The following RTN1 variants were observed in gnomAD, a reference collection of about 807,000 sequenced individuals.
RTN1 encodes the protein reticulon 1.
Under a neutral mutation model 65.5 loss-of-function variants are expected in RTN1, and 25 were observed. That is an observed-to-expected ratio of 0.38 (90% CI 0.28 to 0.53). RTN1 has a LOEUF of 0.53. Ranked by LOEUF, RTN1 falls within the 20% of genes least tolerant of loss-of-function variation. The probability of loss-of-function intolerance (pLI) is 0.79; values close to 1 mark genes in which losing one functional copy is unlikely to be tolerated. For missense variants in RTN1, 983 were observed against 1,025.4 expected (o/e 0.96, Z 0.57); for synonymous variants, 471 against 447.6 (o/e 1.05, Z -0.66).
intron 3 of RTN1, among the ~76,000 whole-genome samples, chr14:59,713,528 A>G (rs1483472681): frequency 6.6e-6 from 1 of 152,202 alleles, no homozygotes; most frequent in East Asian, 1.9e-4. Flanking sequence ...CAAGCTTCAG[A>G]ACACTTACTG....
rs371338628 is a variant in RTN1 at position 59,641,015 on chromosome 14, C to T, written c.1766-33523G>A. ...TTGCCCTGTTGCCCACACTGAAGTG[C>T]AGTGGTGCAATCATGGCTCACTGCA... On this transcript the variant is annotated intron_variant, in intron 3 of 8. Coordinates refer to ENST00000267484, the MANE Select transcript of RTN1 (RefSeq NM_021136.3). 2.6e-5 allele frequency among the ~76,000 whole-genome samples: 4 copies of T among 152,202 alleles called. No homozygotes were observed. The East Asian group carries it at 5.8e-4, about 22-fold the overall frequency.
intron 1 of RTN1, among the ~76,000 whole-genome samples, chr14:59,851,444 G>A (rs2139663535): frequency 6.6e-6 from 1 of 152,246 alleles, no homozygotes; most frequent in East Asian, 1.9e-4. Context: ...GCAACACAAA[G>A]AGCCTTAACA....
intron 1 of RTN1, among the ~76,000 whole-genome samples, chr14:59,843,903 G>C (rs915232118): frequency 3.9e-5 from 6 of 152,024 alleles, no homozygotes; most frequent in Admixed American, 1.3e-4. Flanking sequence ...AAGGCACTAG[G>C]GGAAAAAAGA....
At chr14:59,733,154 C>G (rs766526375) in intron 2 of RTN1, among the ~76,000 whole-genome samples, 1 of 151,202 alleles carries the variant, frequency 6.6e-6, no homozygotes, top group African/African-American at 2.4e-5. Flanking sequence ...TGTAGTGGTG[C>G]GATCCCTGCT....
intron 1 of RTN1, among the ~76,000 whole-genome samples, chr14:59,862,269 G>T (rs1887724358): frequency 6.6e-6 from 1 of 152,148 alleles, no homozygotes; most frequent in South Asian, 2.1e-4. Flanking sequence ...CCTTCCTAAA[G>T]ATATCCATTA....
chr14:59,604,899 A>T (rs1463498292), intron 5 of RTN1: 4 of 152,344 alleles, frequency 2.6e-5, no homozygotes, highest in African/African-American at 9.6e-5. Flanking sequence ...GCATACCTCT[A>T]GCCTCAGAGC....
intron 2 of RTN1, among the ~76,000 whole-genome samples, chr14:59,730,665 C>A (rs867794278): frequency 1.3e-5 from 2 of 152,102 alleles, no homozygotes; most frequent in African/African-American, 2.4e-5. Flanking sequence ...TAATAAAAGG[C>A]AAGCCAATTA....
intron 3 of RTN1, among the ~76,000 whole-genome samples, chr14:59,631,522 A>G (rs1220752042): frequency 6.6e-6 from 1 of 152,242 alleles, no homozygotes; most frequent in South Asian, 2.1e-4. Flanking sequence ...AAGCCCAGGT[A>G]GTTAAGGATG....
chr14:59,629,757 A>C (rs1882493250), intron 3 of RTN1, among the ~76,000 whole-genome samples: 1 of 152,134 alleles, frequency 6.6e-6, no homozygotes, highest in Non-Finnish European at 1.5e-5. Flanking sequence ...TTCCAAAATA[A>C]ATCTGTTATA....
intron 1 of RTN1, among the ~76,000 whole-genome samples, chr14:59,814,243 G>T (rs181235859): frequency 7.2e-5 from 11 of 152,256 alleles, no homozygotes; most frequent in Middle Eastern, 3.4e-3. Context: ...CTAGGCACCT[G>T]GGGAATAAGA....
At chr14:59,754,332 A>G (rs543804787) in intron 1 of RTN1, among the ~76,000 whole-genome samples, 2 of 152,328 alleles carry the variant, frequency 1.3e-5, no homozygotes, top group East Asian at 3.9e-4. Flanking sequence ...CTCTGGCAAC[A>G]CTAAGGGATA....
intron 3 of RTN1, among the ~76,000 whole-genome samples, chr14:59,674,474 G>C (rs774795881): frequency 2.0e-5 from 3 of 152,232 alleles, no homozygotes; most frequent in Admixed American, 6.5e-5. Flanking sequence ...TTCTAGTACA[G>C]ATTAAGAAGC....
At chr14:59,731,166 A>G (rs984650323) in intron 2 of RTN1, among the ~76,000 whole-genome samples, 1 of 152,254 alleles carries the variant, frequency 6.6e-6, no homozygotes, top group Admixed American at 6.5e-5. Flanking sequence ...ATGGAATATT[A>G]TTTAGACATA....
At chr14:59,852,581 C>A (rs1887528754) in intron 1 of RTN1, among the ~76,000 whole-genome samples, 1 of 152,178 alleles carries the variant, frequency 6.6e-6, no homozygotes, top group Admixed American at 6.5e-5. Context: ...AATGATGATG[C>A]ATCACTTATC....
chr14:59,851,561 T>C (rs1887507882), intron 1 of RTN1, among the ~76,000 whole-genome samples: 1 of 152,120 alleles, frequency 6.6e-6, no homozygotes, highest in Admixed American at 6.5e-5. Context: ...ATGTTATTCA[T>C]AAGAATAAAC....
chr14:59,839,682 T>C (rs565857205), intron 1 of RTN1, among the ~76,000 whole-genome samples: 1 of 152,300 alleles, frequency 6.6e-6, no homozygotes, highest in East Asian at 1.9e-4. Flanking sequence ...TTCAAAACCT[T>C]TAACCATTCC....
At chr14:59,725,831 T>C (rs1390744006) in intron 3 of RTN1, among the ~76,000 whole-genome samples, 1 of 152,250 alleles carries the variant, frequency 6.6e-6, no homozygotes, top group Non-Finnish European at 1.5e-5. Flanking sequence ...TGAAGCACTT[T>C]AACTGCCGCT....
intron 3 of RTN1, among the ~76,000 whole-genome samples, chr14:59,627,974 C>T (rs957176271): frequency 2.6e-5 from 4 of 151,944 alleles, no homozygotes; most frequent in African/African-American, 9.7e-5. Flanking sequence ...CTAGATCACA[C>T]CCATTTTTTT....
rs528316824 is a variant in RTN1, at chr14:59,828,816, T to C, written c.241+41574A>G. 1.6e-3 allele frequency among the ~76,000 whole-genome samples: 236 copies of C among 152,210 alleles called. 1 individual carries two copies. Among genetic ancestry groups the C allele is most frequent in the Non-Finnish European group, 2.0e-3 (135 of 68,006 alleles). On this transcript the variant is annotated intron_variant, in intron 1 of 8. Transcript: ENST00000267484. ...AAGTAACATGATTTCAGAATGAAAATCTTAACTCAAAAGATACATATACTC... is the reference window on the plus strand; with the variant it reads ...AAGTAACATGATTTCAGAATGAAAACCTTAACTCAAAAGATACATATACTC...
Sources: allele counts gnomAD v4.1 joint callset (sites outside exome capture counted in the v4.1 genomes callset), GRCh38; gene constraint gnomAD v4.1.1; transcripts MANE v1.5; gene names NCBI Gene and HGNC (gene_info 2026-07-23, HGNC 2026-07-21).